Variants in SLC35F1 observed in about 807,000 individuals in gnomAD.
SLC35F1 encodes the protein solute carrier family 35 member F1.
In SLC35F1, 14 loss-of-function variants were observed where a neutral mutation model predicts 48.7. The observed-to-expected ratio is 0.29, with a 90% CI of 0.19 to 0.45. The LOEUF (loss-of-function observed/expected upper bound fraction) is 0.45, where lower values mean the gene tolerates loss of function less well. SLC35F1 is among the 20% of genes least tolerant of loss of function. SLC35F1 has a pLI of 1.00. For missense variants in SLC35F1, 404 were observed against 500.0 expected (o/e 0.81, Z 1.83); for synonymous variants, 190 against 202.2 (o/e 0.94, Z 0.51).
intron 3 of SLC35F1, among the ~76,000 whole-genome samples, chr6:118,251,672 G>T (rs185105309): frequency 3.9e-5 from 6 of 152,202 alleles, no homozygotes; most frequent in African/African-American, 1.4e-4. Context: ...GACAGAACAG[G>T]ACAAGTAAAG....
At chr6:118,291,854 ACACCTGAAATCC>A in intron 7 of SLC35F1, among the ~76,000 whole-genome samples, 1 of 152,188 alleles carries the variant, frequency 6.6e-6, no homozygotes, top group Non-Finnish European at 1.5e-5. Context: ...ACGGTGGCAC[ACACCTGAAATCC>A]CAGCATTTTG....
chr6:118,034,190 C>T (rs1259371437), intron 1 of SLC35F1, among the ~76,000 whole-genome samples: 1 of 152,082 alleles, frequency 6.6e-6, no homozygotes, highest in Non-Finnish European at 1.5e-5. Context: ...CATATGGTCA[C>T]TGTTACTTTT....
chr6:118,004,432 C>T (rs1582613844), intron 1 of SLC35F1, among the ~76,000 whole-genome samples: 1 of 152,170 alleles, frequency 6.6e-6, no homozygotes, highest in South Asian at 2.1e-4. Context: ...AACTTAAATC[C>T]TATGTAAACA....
chr6:117,942,522 C>T (rs1776245190), intron 1 of SLC35F1, among the ~76,000 whole-genome samples: 1 of 152,154 alleles, frequency 6.6e-6, no homozygotes, highest in African/African-American at 2.4e-5. Context: ...TTATGTCCAT[C>T]TTAGTTTAAT....
chr6:118,182,519 A>AGAAGGAAGGAAGCAAGGAAGGAAG (rs1554234200), intron 2 of SLC35F1, among the ~76,000 whole-genome samples: 1 of 106,310 alleles, frequency 9.4e-6, no homozygotes. Flanking sequence ...AGAGAGAGAG[A>AGAAGGAAGGAAGCAAGGAAGGAAG]GAAGGAAGGA....
Position 118,100,742 on chromosome 6 carries a change from A to G in SLC35F1, c.174-53703A>G, listed in dbSNP as rs1257799053. 2.0e-5 allele frequency among the ~76,000 whole-genome samples: 3 copies of G among 152,114 alleles called. No individual in the cohort carries two copies. The South Asian group carries it at 6.2e-4, about 32-fold the overall frequency. ...ATGTTGCTTAATGTAGGCGTGCTGG[A>G]TTGAATCATTGGCAATGAACTCACT... On this transcript the variant is annotated intron_variant, in intron 1 of 7. Transcript: ENST00000360388.
At chr6:118,016,749 C>T (rs1451395551) in intron 1 of SLC35F1, among the ~76,000 whole-genome samples, 2 of 152,192 alleles carry the variant, frequency 1.3e-5, no homozygotes, top group East Asian at 1.9e-4. Context: ...TTGCTGCTGT[C>T]CTTGGTTCTT....
intron 2 of SLC35F1, among the ~76,000 whole-genome samples, chr6:118,182,325 A>T (rs554144040): frequency 3.1e-4 from 46 of 146,060 alleles, no homozygotes; most frequent in South Asian, 6.5e-4. Context: ...AAAAAGAAAA[A>T]TTTTTTTTTT....
chr6:117,945,567 G>C (rs1166203598), intron 1 of SLC35F1, among the ~76,000 whole-genome samples: 1 of 152,142 alleles, frequency 6.6e-6, no homozygotes, highest in Non-Finnish European at 1.5e-5. Context: ...TTTAGAGAGA[G>C]TTGCAAGAGT....
chr6:118,071,042 A>C, intron 1 of SLC35F1, among the ~76,000 whole-genome samples: 1 of 19,494 alleles, frequency 5.1e-5, no homozygotes, highest in Non-Finnish European at 1.0e-4. Flanking sequence ...GTATATATAT[A>C]CACATAGTAT....
intron 1 of SLC35F1, among the ~76,000 whole-genome samples, chr6:117,948,261 C>G (rs1198209770): frequency 6.6e-6 from 1 of 152,088 alleles, no homozygotes; most frequent in African/African-American, 2.4e-5. Flanking sequence ...TTTTACAGTA[C>G]TTAAGACCTA....
At chr6:118,098,828 A>G (rs4270823) in intron 1 of SLC35F1, among the ~76,000 whole-genome samples, 29,739 of 152,086 alleles carry the variant, frequency 0.2, 3,709 homozygotes, top group East Asian at 0.41. Context: ...ATTTATTTTT[A>G]TATATATTTT....
intron 3 of SLC35F1, among the ~76,000 whole-genome samples, chr6:118,260,069 A>G (rs1047371388): frequency 6.6e-6 from 1 of 152,220 alleles, no homozygotes; most frequent in Non-Finnish European, 1.5e-5. Context: ...TGATACATGA[A>G]CAACATGGAT....
intron 1 of SLC35F1, among the ~76,000 whole-genome samples, chr6:118,137,844 C>T (rs1293516393): frequency 6.6e-6 from 1 of 152,234 alleles, no homozygotes; most frequent in South Asian, 2.1e-4. Flanking sequence ...GGGAATCTTC[C>T]CCCAACTTGA....
At chr6:117,938,496 A>G (rs1450144575) in intron 1 of SLC35F1, among the ~76,000 whole-genome samples, 3 of 152,156 alleles carry the variant, frequency 2.0e-5, no homozygotes, top group African/African-American at 7.2e-5. Context: ...CTCCTCATGC[A>G]TTCTCTGCAG....
At chr6:118,007,457 C>A (rs1249546019) in intron 1 of SLC35F1, among the ~76,000 whole-genome samples, 1 of 152,078 alleles carries the variant, frequency 6.6e-6, no homozygotes, top group African/African-American at 2.4e-5. Context: ...AGCTGTAATC[C>A]CCATGGTTGT....
At chr6:117,983,359 G>A (rs984640496) in intron 1 of SLC35F1, among the ~76,000 whole-genome samples, 1 of 152,026 alleles carries the variant, frequency 6.6e-6, no homozygotes, top group African/African-American at 2.4e-5. Flanking sequence ...GGCGGATCAC[G>A]AGGTCAGGAG....
chr6:118,210,204 C>T (rs1394749921), intron 2 of SLC35F1, among the ~76,000 whole-genome samples: 1 of 152,110 alleles, frequency 6.6e-6, no homozygotes, highest in African/African-American at 2.4e-5. Context: ...GAGTGAGTAA[C>T]CCTCCTCATA....
At chr6:118,070,142 C>CA (rs61496169) in intron 1 of SLC35F1, among the ~76,000 whole-genome samples, 24,648 of 78,574 alleles carry the variant, frequency 0.31, 5,247 homozygotes, top group South Asian at 0.53. Flanking sequence ...GACTCCGTCT[C>CA]AAAAAAAAAA....
Sources: gnomAD v4.1 joint callset for allele counts (sites outside exome capture counted in the v4.1 genomes callset) on GRCh38, gnomAD v4.1.1 for gene constraint, MANE v1.5 for transcripts, NCBI Gene and HGNC (gene_info 2026-07-23, HGNC 2026-07-21) for gene names.